SIAE: variants seen among roughly 807,000 people sequenced by gnomAD.
The protein encoded by SIAE is sialic acid acetylesterase, also known as sialate O-acetylesterase.
SIAE carries 39 observed loss-of-function variants against 52.6 expected under a neutral mutation model. The ratio of observed to expected loss-of-function variants is 0.74; its 90% CI spans 0.57 to 0.97. SIAE has a LOEUF of 0.97. SIAE is among the 50% of genes least tolerant of loss of function. The probability of loss-of-function intolerance (pLI) is 0.00; values close to 1 mark genes in which losing one functional copy is unlikely to be tolerated. For missense variants in SIAE, 592 were observed against 662.1 expected, an observed-to-expected ratio of 0.89 and a Z score of 1.16; for synonymous variants, 233 against 241.4, an observed-to-expected ratio of 0.97 and a Z score of 0.32.
In SIAE at chr11:124,635,259, A is replaced by T. The variant is rs935439226; in HGVS notation, c.*1692T>A. On this transcript the variant is annotated 3_prime_UTR_variant, in exon 10 of 10. Transcript: ENST00000263593. ...TCATGGTTTCTATGGGGCCAGATGC[A>T]TGAGAGGTCAAAGCATGGGCAATAG... 1 of 152,224 alleles carries T rather than the reference A, an allele frequency of 6.6e-6. No homozygotes were observed. Among genetic ancestry groups the T allele is most frequent in the Non-Finnish European group, 1.5e-5 (1 of 68,036 alleles). The allele number at this position is 152,224 out of a possible 1,614,324, so 9.4% of individuals were successfully genotyped here.
At chr11:124,652,068 G>A (rs566562935) in intron 4 of SIAE, among the ~76,000 whole-genome samples, 1 of 152,294 alleles carries the variant, frequency 6.6e-6, no homozygotes, top group African/African-American at 2.4e-5. Flanking sequence ...CTGGAGCAGA[G>A]ATTATAAAAG....
In SIAE at chr11:124,634,601, G is replaced by A. The variant is rs576398515; in HGVS notation, c.*2350C>T. 1 of 152,172 alleles carries A rather than the reference G, an allele frequency of 6.6e-6. No homozygotes were observed. The highest frequency in any genetic ancestry group is 1.9e-4 in the East Asian group (1 of 5,176). 9.4% of individuals were successfully genotyped at this position (152,172 alleles called of 1,614,324 possible). On this transcript the variant is annotated 3_prime_UTR_variant, in exon 10 of 10. Transcript: ENST00000263593. ...AATAACTGGACGAGTGTGGTATGATGTTTGCATGTGATATTCATTACAGTA... is the reference window on the plus strand; with the variant it reads ...AATAACTGGACGAGTGTGGTATGATATTTGCATGTGATATTCATTACAGTA...
In SIAE at chr11:124,645,319, CT is replaced by C. The variant is rs903341369; in HGVS notation, c.966+2045del. ...TCAGGTCTTTCTGATTGCTATATTT[CT>C]TTTTTTTTTTTGAGACGGAGTTTCG... is the stretch of plus-strand genomic sequence containing the variant. On this transcript the variant is annotated intron_variant, in intron 7 of 9. Transcript: ENST00000263593. This position sits in a 1 kb window ranked among gnomAD's most constrained non-coding sequence, Gnocchi z 4.7. Among the ~76,000 whole-genome samples, 119 of 145,778 alleles carry C rather than the reference CT, an allele frequency of 8.2e-4. No individual in the cohort carries two copies. Among genetic ancestry groups the C allele is most frequent in the African/African-American group, 9.0e-4 (36 of 40,024 alleles).
chr11:124,633,253 C>G lies in SIAE; in HGVS notation c.*3698G>C, dbSNP rs1380726718. 1 of 152,208 alleles carries G rather than the reference C, an allele frequency of 6.6e-6. No homozygotes were observed. The highest frequency in any genetic ancestry group is 1.9e-4 in the East Asian group (1 of 5,198). The allele number at this position is 152,208 out of a possible 1,614,324, so 9.4% of individuals were successfully genotyped here. A position where few individuals can be genotyped will look rare whatever the true frequency, so the allele number is the denominator to read the frequency against. Reference sequence around the variant, plus strand: ...TACTCTATAACAGACTTAGTCCTGTCTTTTCATTAGCCATGTAATAATATA... The same window carrying G: ...TACTCTATAACAGACTTAGTCCTGTGTTTTCATTAGCCATGTAATAATATA... On this transcript the variant is annotated 3_prime_UTR_variant, in exon 10 of 10. Transcript: ENST00000263593.
chr11:124,651,282 T>C (rs950878816), intron 4 of SIAE, among the ~76,000 whole-genome samples: 1 of 152,136 alleles, frequency 6.6e-6, no homozygotes, highest in Non-Finnish European at 1.5e-5. Context: ...GCATGGTGGC[T>C]CATGCCTGTA....
rs745627050 is a variant in SIAE, at chr11:124,636,944, G to GAAAC, written c.*3_*6dup. On this transcript the variant is annotated 3_prime_UTR_variant, in exon 10 of 10. Coordinates refer to ENST00000263593, the MANE Select transcript of SIAE (RefSeq NM_170601.5). ...CTTATATCTAAGTTCTGATCATACT[G>GAAAC]AAACAGTCATTTAGCAACATTGCTC... The GAAAC allele has an allele frequency of 3.7e-6, 6 of 1,614,032 alleles. No homozygotes were observed. The highest frequency in any genetic ancestry group is 3.3e-5 in the Admixed American group (2 of 59,994).
intron 3 of SIAE, among the ~76,000 whole-genome samples, chr11:124,656,208 G>A (rs189216227): frequency 7.2e-5 from 11 of 152,120 alleles, no homozygotes; most frequent in East Asian, 1.9e-4. Flanking sequence ...TACTCAACCC[G>A]TATGTATTGT....
At chr11:124,641,110 A>G (rs987957585) in intron 7 of SIAE, among the ~76,000 whole-genome samples, 1 of 152,256 alleles carries the variant, frequency 6.6e-6, no homozygotes, top group East Asian at 1.9e-4. Flanking sequence ...AGACCTACAC[A>G]TAAGAAATAA....
At chr11:124,637,500 C>T (rs1942769108) in intron 9 of SIAE, among the ~76,000 whole-genome samples, 1 of 152,234 alleles carries the variant, frequency 6.6e-6, no homozygotes, top group African/African-American at 2.4e-5. Flanking sequence ...CCTGAACATT[C>T]TTTGGGTGAT....
chr11:124,642,769 C>T (rs563789167), intron 7 of SIAE, among the ~76,000 whole-genome samples: 13 of 152,304 alleles, frequency 8.5e-5, no homozygotes, highest in African/African-American at 2.9e-4. Context: ...TTACAAGTAA[C>T]GTCCCCAGTC....
chr11:124,669,225 AACTTTTAT>A, intron 2 of SIAE, 127 bp downstream of exon 2: 1 of 1,198,282 alleles, frequency 8.3e-7, no homozygotes, highest in African/African-American at 1.5e-5. Context: ...ATATTCAAAT[AACTTTTAT>A]GGATGAATGG....
At chr11:124,675,289 C>G (rs1323046270), upstream of SIAE, 1 of 1,613,824 alleles carries the variant, frequency 6.2e-7, no homozygotes, top group Non-Finnish European at 8.5e-7. Context: ...CTCCAACACC[C>G]ACTACCGAAT....
At chr11:124,649,548 G>T in intron 5 of SIAE, 71 bp downstream of exon 5, 1 of 1,538,724 alleles carries the variant, frequency 6.5e-7, no homozygotes, top group Non-Finnish European at 9.0e-7. Flanking sequence ...ACTCCCCACA[G>T]AGGACGATGA....
chr11:124,654,218 C>G, intron 4 of SIAE: 1 of 985,036 alleles, frequency 1.0e-6, no homozygotes, highest in Admixed American at 6.2e-5. Flanking sequence ...AGAGCTCATG[C>G]TGAATGGACT....
chr11:124,666,420 CT>C (rs1943274285), intron 2 of SIAE, among the ~76,000 whole-genome samples: 1 of 152,182 alleles, frequency 6.6e-6, no homozygotes, highest in Non-Finnish European at 1.5e-5. Context: ...CCAATTAACA[CT>C]TCATCTATTT....
At chr11:124,659,724 A>C in intron 3 of SIAE, 1 of 151,854 alleles carries the variant, frequency 6.6e-6, no homozygotes, top group East Asian at 1.9e-4. Flanking sequence ...GGAAGACTTC[A>C]ATGCAAGAAT....
intron 7 of SIAE, 112 bp from the exon 8 acceptor site, chr11:124,639,979 C>T: frequency 8.1e-7 from 1 of 1,235,026 alleles, no homozygotes; most frequent in Admixed American, 1.7e-5. Flanking sequence ...GCTCATTCAA[C>T]ACGTATTTAC....
In SIAE at chr11:124,638,721, T is replaced by G. The variant is rs1366403804; in HGVS notation, c.1141A>C (p.Lys381Gln). ...TGCAGCCGATAAGCCACAGTCTGTT[T>G]ATCTCGAGGGTGGATGCTACAGGAT... is the stretch of plus-strand genomic sequence containing the variant. ...SPFGSIHPRD[K>Q]QTVAYRLHLG... Residue 381 changes from lysine (K) to glutamine (Q), a missense_variant, in exon 9 of 10, where the codon AAA becomes CAA. By Grantham distance (53) the Lys-to-Gln change is moderately conservative. Transcript: ENST00000263593. 1.9e-6 allele frequency: 3 copies of G among 1,613,960 alleles called. No individual in the cohort carries two copies. The African/African-American group carries it at 4.0e-5, about 22-fold the overall frequency.
In SIAE at chr11:124,645,387, C is replaced by T. The variant is rs115073594; in HGVS notation, c.966+1978G>A. 1.7e-3 allele frequency among the ~76,000 whole-genome samples: 260 copies of T among 151,926 alleles called. No homozygotes were observed. The highest frequency in any genetic ancestry group is 5.9e-3 in the African/African-American group (245 of 41,412). Reference sequence around the variant, plus strand: ...TGAGTGCAATGCTCACCACAATCTACGCCTCCTGGGTTCAAGCGATTCTCC... The same window carrying T: ...TGAGTGCAATGCTCACCACAATCTATGCCTCCTGGGTTCAAGCGATTCTCC... On this transcript the variant is annotated intron_variant, in intron 7 of 9. Transcript: ENST00000263593. This position sits in a 1 kb window ranked among gnomAD's most constrained non-coding sequence, Gnocchi z 4.7.
Sources: allele counts gnomAD v4.1 joint callset (sites outside exome capture counted in the v4.1 genomes callset), GRCh38; gene constraint gnomAD v4.1.1; non-coding constraint Gnocchi (gnomAD v3.1); transcripts MANE v1.5; gene names NCBI Gene and HGNC (gene_info 2026-07-23, HGNC 2026-07-21).